Variants in CDH18 observed in about 807,000 individuals in gnomAD.
CDH18 encodes the protein cadherin 18.
CDH18 carries 31 observed loss-of-function variants against 67.9 expected under a neutral mutation model. The ratio of observed to expected loss-of-function variants is 0.46; its 90% CI spans 0.34 to 0.62. The LOEUF is 0.62. Among genes scored for constraint, CDH18 ranks in the 20% least tolerant of loss-of-function variants. The probability of loss-of-function intolerance (pLI) is 0.01; values close to 1 mark genes in which losing one functional copy is unlikely to be tolerated. For missense variants in CDH18, 890 were observed against 975.5 expected (o/e 0.91, Z 1.17); for synonymous variants, 362 against 347.2 (o/e 1.04, Z -0.48).
At chr5:20,111,799 T>C (rs1747505799) in intron 2 of CDH18, among the ~76,000 whole-genome samples, 1 of 152,050 alleles carries the variant, frequency 6.6e-6, no homozygotes, top group Non-Finnish European at 1.5e-5. Flanking sequence ...CTCCTCGGCC[T>C]CCCAAAGTGC....
At chr5:20,294,600 T>C (rs74498166) in intron 1 of CDH18, among the ~76,000 whole-genome samples, 5,892 of 152,268 alleles carry the variant, frequency 0.039, 352 homozygotes, top group East Asian at 0.28. Context: ...TTGTTTCATT[T>C]AAAGTGATAA....
At chr5:19,660,859 C>T (rs1030366465) in intron 5 of CDH18, among the ~76,000 whole-genome samples, 1 of 151,884 alleles carries the variant, frequency 6.6e-6, no homozygotes, top group Non-Finnish European at 1.5e-5. Context: ...CTCAATGTAG[C>T]CACCTGGACT....
At chr5:20,012,391 A>AAC (rs1737526175) in intron 2 of CDH18, among the ~76,000 whole-genome samples, 1 of 150,830 alleles carries the variant, frequency 6.6e-6, no homozygotes, top group Non-Finnish European at 1.5e-5. Flanking sequence ...AAAAAAAAAA[A>AAC]CACCAGCTCC....
chr5:20,569,349 G>A (rs1758681863), intron 1 of CDH18, among the ~76,000 whole-genome samples: 2 of 152,122 alleles, frequency 1.3e-5, no homozygotes, highest in Admixed American at 6.6e-5. Context: ...TCGGCCAGGC[G>A]CCATGGCTCA....
chr5:20,429,092 G>A (rs539637887), intron 1 of CDH18, among the ~76,000 whole-genome samples: 1 of 150,674 alleles, frequency 6.6e-6, no homozygotes, highest in Non-Finnish European at 1.5e-5. Flanking sequence ...TTTTTAAGGT[G>A]TTCTCATCTA....
Position 19,804,898 on chromosome 5 carries a change from T to C in CDH18, c.228+33861A>G, listed in dbSNP as rs187731739. 3.7e-3 allele frequency among the ~76,000 whole-genome samples: 563 copies of C among 152,086 alleles called. 7 individuals carry two copies. Among genetic ancestry groups the C allele is most frequent in the Non-Finnish European group, 3.5e-3 (239 of 67,990 alleles). ...ATTACTAAGTCTCTTCAGGAGAAAA[T>C]AGCCACCTAGGCATAAAATCAGCTA... On this transcript the variant is annotated intron_variant, in intron 3 of 12. Coordinates refer to ENST00000382275, the MANE Select transcript of CDH18 (RefSeq NM_004934.5).
chr5:20,018,145 A>G (rs1016570185), intron 2 of CDH18, among the ~76,000 whole-genome samples: 1 of 152,180 alleles, frequency 6.6e-6, no homozygotes, highest in Non-Finnish European at 1.5e-5. Flanking sequence ...CATGTCTGAA[A>G]CTAAGGCACT....
chr5:20,261,182 C>T (rs1744621040), intron 1 of CDH18, among the ~76,000 whole-genome samples: 1 of 152,096 alleles, frequency 6.6e-6, no homozygotes, highest in Admixed American at 6.5e-5. Flanking sequence ...AAGAGTCTTT[C>T]ATTCCATATT....
At chr5:20,119,830 T>G (rs1386930205) in intron 2 of CDH18, among the ~76,000 whole-genome samples, 1 of 152,128 alleles carries the variant, frequency 6.6e-6, no homozygotes, top group Non-Finnish European at 1.5e-5. Context: ...ATTTATTACA[T>G]TTATTTCATT....
At chr5:19,817,793 A>C (rs2149928795) in intron 3 of CDH18, among the ~76,000 whole-genome samples, 1 of 152,234 alleles carries the variant, frequency 6.6e-6, no homozygotes, top group African/African-American at 2.4e-5. Context: ...CCAGGAGCTC[A>C]AAAACATTTC....
chr5:19,537,072 A>G (rs368653394), intron 9 of CDH18, among the ~76,000 whole-genome samples: 1 of 152,178 alleles, frequency 6.6e-6, no homozygotes, highest in Non-Finnish European at 1.5e-5. Context: ...GTTACACATT[A>G]TTCTAGGTGT....
At chr5:20,284,319 G>T (rs552429340) in intron 1 of CDH18, among the ~76,000 whole-genome samples, 2 of 152,022 alleles carry the variant, frequency 1.3e-5, no homozygotes, top group Admixed American at 6.6e-5. Flanking sequence ...CTGATGTGGT[G>T]CATGCCTGCA....
chr5:20,308,117 C>A (rs1736646005), intron 1 of CDH18, among the ~76,000 whole-genome samples: 4 of 130,658 alleles, frequency 3.1e-5, no homozygotes, highest in Admixed American at 3.0e-4. Context: ...TGGTTTTCAA[C>A]CCATATTTGA....
intron 5 of CDH18, among the ~76,000 whole-genome samples, chr5:19,647,152 A>T (rs1440658877): frequency 2.6e-5 from 4 of 152,122 alleles, no homozygotes; most frequent in Admixed American, 2.0e-4. Context: ...AAATAAAAGT[A>T]GACATCCCTA....
At chr5:19,893,044 G>T (rs1224237277) in intron 2 of CDH18, among the ~76,000 whole-genome samples, 2 of 152,116 alleles carry the variant, frequency 1.3e-5, no homozygotes, top group Admixed American at 6.6e-5. Flanking sequence ...TGGGAAATTT[G>T]GGAGGTGATT....
intron 2 of CDH18, among the ~76,000 whole-genome samples, chr5:19,856,800 G>C (rs150498275): frequency 6.6e-6 from 1 of 152,072 alleles, no homozygotes; most frequent in Admixed American, 6.6e-5. Flanking sequence ...CAAGCACTGC[G>C]AGAAAATAAA....
chr5:19,768,657 CT>C (rs1773376778), intron 3 of CDH18, among the ~76,000 whole-genome samples: 1 of 151,992 alleles, frequency 6.6e-6, no homozygotes, highest in South Asian at 2.1e-4. Flanking sequence ...TTAAGGCAAG[CT>C]GAGACTTCCA....
At chr5:20,452,339 G>A (rs1009583164) in intron 1 of CDH18, among the ~76,000 whole-genome samples, 1 of 152,102 alleles carries the variant, frequency 6.6e-6, no homozygotes, top group Non-Finnish European at 1.5e-5. Context: ...CATTAGATGA[G>A]ATGAGACTCA....
At chr5:19,514,726 T>A (rs1190831792) in intron 10 of CDH18, among the ~76,000 whole-genome samples, 1 of 152,058 alleles carries the variant, frequency 6.6e-6, no homozygotes, top group African/African-American at 2.4e-5. Flanking sequence ...GTTTAAGTTA[T>A]TTGTAGATTC....
Sources: allele counts gnomAD v4.1 joint callset (sites outside exome capture counted in the v4.1 genomes callset), GRCh38; gene constraint gnomAD v4.1.1; transcripts MANE v1.5; gene names NCBI Gene and HGNC (gene_info 2026-07-23, HGNC 2026-07-21).